The following RALB variants were observed in gnomAD, a reference collection of about 807,000 sequenced individuals.
The protein encoded by RALB is RAS like proto-oncogene B.
In RALB, 16 loss-of-function variants were observed where a neutral mutation model predicts 21.3. That is an observed-to-expected ratio of 0.75 (90% CI 0.51 to 1.14). The LOEUF is 1.14. Among genes scored for constraint, RALB ranks in the 50% most tolerant of loss-of-function variants. The pLI, the probability that RALB is intolerant of heterozygous loss-of-function variation, is 0.00. For missense variants in RALB, 161 were observed against 256.2 expected (o/e 0.63, Z 2.54); for synonymous variants, 93 against 96.1 (o/e 0.97, Z 0.19).
intron 4 of RALB, among the ~76,000 whole-genome samples, chr2:120,290,152 CCA>C (rs552512367): frequency 1.4e-3 from 218 of 152,226 alleles, no homozygotes; most frequent in Non-Finnish European, 2.4e-3. Flanking sequence ...GTGTGCACCA[CCA>C]CACTGGCTGT....
At chr2:120,262,342 TGTG>T in intron 1 of RALB, among the ~76,000 whole-genome samples, 1 of 152,238 alleles carries the variant, frequency 6.6e-6, no homozygotes, top group African/African-American at 2.4e-5. Flanking sequence ...ATCTGCTTGA[TGTG>T]GTGTCCCCAG....
chr2:120,271,979 C>T (rs1689676150), intron 1 of RALB, among the ~76,000 whole-genome samples: 1 of 152,164 alleles, frequency 6.6e-6, no homozygotes, highest in African/African-American at 2.4e-5. Context: ...TAGATAGAAA[C>T]ATGTTGAAGG....
At chr2:120,250,407 T>C (rs1297282376), upstream of RALB, among the ~76,000 whole-genome samples, 1 of 152,174 alleles carries the variant, frequency 6.6e-6, no homozygotes, top group Non-Finnish European at 1.5e-5. Flanking sequence ...GGCAATTAAT[T>C]TCTCCAGCCT....
chr2:120,242,213 A>G (rs1688907406), intron 1 of RALB, among the ~76,000 whole-genome samples: 1 of 152,220 alleles, frequency 6.6e-6, no homozygotes, highest in Non-Finnish European at 1.5e-5. Context: ...CGTCAAATTC[A>G]CAGAGACAGA....
intron 1 of RALB, among the ~76,000 whole-genome samples, chr2:120,266,071 T>G (rs1188874962): frequency 6.6e-6 from 1 of 152,152 alleles, no homozygotes; most frequent in Non-Finnish European, 1.5e-5. Flanking sequence ...CTCCCACCAT[T>G]TATTGTTGCT....
chr2:120,285,545 T>G (rs1278154532), intron 2 of RALB, among the ~76,000 whole-genome samples: 1 of 148,788 alleles, frequency 6.7e-6, no homozygotes, highest in Admixed American at 6.8e-5. Context: ...ATTGTGCATA[T>G]GTACCCTAAA....
At chr2:120,285,153 C>T (rs967769773) in intron 2 of RALB, among the ~76,000 whole-genome samples, 6 of 152,076 alleles carry the variant, frequency 3.9e-5, no homozygotes, top group Admixed American at 6.6e-5. Flanking sequence ...GGGGAGCAAA[C>T]ATGTCCTTCA....
chr2:120,276,196 G>A (rs1006315741), intron 1 of RALB, among the ~76,000 whole-genome samples: 5 of 152,212 alleles, frequency 3.3e-5, no homozygotes, highest in African/African-American at 7.2e-5. Context: ...TGGTGCAGCC[G>A]CTGGCATGCA....
At chr2:120,286,638 A>T (rs757169460) in intron 3 of RALB, among the ~76,000 whole-genome samples, 1 of 152,226 alleles carries the variant, frequency 6.6e-6, no homozygotes, top group Non-Finnish European at 1.5e-5. Context: ...GGGCAAGTTT[A>T]CTTAGTGTCA....
intron 1 of RALB, among the ~76,000 whole-genome samples, chr2:120,245,759 C>T (rs996920022): frequency 2.6e-5 from 4 of 152,198 alleles, no homozygotes; most frequent in Non-Finnish European, 4.4e-5. Context: ...TGAGCCCCTG[C>T]CTCTGGAGCT....
upstream of RALB, among the ~76,000 whole-genome samples, chr2:120,248,586 G>A (rs991413320): frequency 3.9e-5 from 6 of 152,094 alleles, no homozygotes; most frequent in East Asian, 3.8e-4. Flanking sequence ...GTGGACCCCC[G>A]GAACAGCATC....
At chr2:120,253,850 G>C (rs1197630344) in intron 1 of RALB, 2 of 330,974 alleles carry the variant, frequency 6.0e-6, no homozygotes, top group African/African-American at 4.5e-5. Context: ...TTGTAGAACA[G>C]TGCACTTTCT....
At chr2:120,289,870 G>C in intron 4 of RALB, 113 bp downstream of exon 4, 1 of 972,650 alleles carries the variant, frequency 1.0e-6, no homozygotes. Flanking sequence ...TGAAGATTCT[G>C]ATTCCTATGA....
At chr2:120,279,752 A>G (rs1421747676) in intron 2 of RALB, among the ~76,000 whole-genome samples, 1 of 152,208 alleles carries the variant, frequency 6.6e-6, no homozygotes, top group Non-Finnish European at 1.5e-5. Context: ...TCTCACTTGC[A>G]TTGCGGCCAC....
At chr2:120,259,151 A>G (rs908110535) in intron 1 of RALB, among the ~76,000 whole-genome samples, 2 of 152,266 alleles carry the variant, frequency 1.3e-5, no homozygotes, top group Non-Finnish European at 2.9e-5. Context: ...AAGAGTGAGC[A>G]GTAGCAAGAT....
intron 2 of RALB, among the ~76,000 whole-genome samples, chr2:120,279,745 C>T (rs1689938762): frequency 6.6e-6 from 1 of 152,172 alleles, no homozygotes; most frequent in Non-Finnish European, 1.5e-5. Context: ...CAGGGCCTCT[C>T]ACTTGCATTG....
chr2:120,286,134 T>C (rs1161911347), intron 3 of RALB, 52 bp downstream of exon 3: 2 of 1,510,242 alleles, frequency 1.3e-6, no homozygotes, highest in Admixed American at 3.4e-5. Flanking sequence ...TTGCCTTTTC[T>C]CATATGTCTT....
chr2:120,280,878 G>A, intron 2 of RALB: 1 of 442,218 alleles, frequency 2.3e-6, no homozygotes, highest in Admixed American at 2.6e-5. Flanking sequence ...AAAGTATACA[G>A]CAAACAAAAA....
chr2:120,264,318 ATTTTT>A (rs1441018863), intron 1 of RALB, among the ~76,000 whole-genome samples: 1 of 150,964 alleles, frequency 6.6e-6, no homozygotes, highest in Non-Finnish European at 1.5e-5. Context: ...CACCCAGCTA[ATTTTT>A]GTGTTTTTAG....
Sources: allele counts gnomAD v4.1 joint callset (sites outside exome capture counted in the v4.1 genomes callset), GRCh38; gene constraint gnomAD v4.1.1; transcripts MANE v1.5; gene names NCBI Gene and HGNC (gene_info 2026-07-23, HGNC 2026-07-21).